RFX8: variants seen among roughly 807,000 people sequenced by gnomAD.
The protein encoded by RFX8 is regulatory factor X8, also known as DNA-binding protein RFX8.
RFX8 carries 46 observed loss-of-function variants against 54.6 expected under a neutral mutation model. The ratio of observed to expected loss-of-function variants is 0.84; its 90% CI spans 0.67 to 1.08. RFX8 has a LOEUF of 1.08. Ranked by LOEUF, RFX8 falls within the 50% of genes least tolerant of loss-of-function variation. The pLI is 0.00. For missense variants in RFX8, 536 were observed against 562.3 expected (o/e 0.95, Z 0.47); for synonymous variants, 192 against 209.5 (o/e 0.92, Z 0.72).
intron 2 of RFX8, among the ~76,000 whole-genome samples, chr2:101,459,881 T>C (rs534414006): frequency 3.3e-4 from 50 of 152,190 alleles, no homozygotes; most frequent in African/African-American, 1.2e-3. Flanking sequence ...TGCACTGCAG[T>C]GGGCTGCATC....
At chr2:101,424,837 C>T (rs921117332) in intron 2 of RFX8, among the ~76,000 whole-genome samples, 7 of 151,922 alleles carry the variant, frequency 4.6e-5, no homozygotes, top group African/African-American at 1.2e-4. Context: ...GGACACAGGG[C>T]GGGGAACATC....
chr2:101,474,250 G>A (rs1007241228), intron 1 of RFX8: 44 of 614,738 alleles, frequency 7.2e-5, no homozygotes, highest in Non-Finnish European at 2.9e-6. Context: ...GCCGCTCGAC[G>A]GCGAGGCCGG....
intron 2 of RFX8, among the ~76,000 whole-genome samples, chr2:101,435,440 G>A (rs1288687832): frequency 6.6e-6 from 1 of 152,142 alleles, no homozygotes; most frequent in East Asian, 1.9e-4. Context: ...TTTGGAAAAT[G>A]ACAACAAATT....
At chr2:101,428,773 G>A (rs145408203) in intron 2 of RFX8, among the ~76,000 whole-genome samples, 26 of 152,350 alleles carry the variant, frequency 1.7e-4, no homozygotes, top group South Asian at 4.1e-4. Context: ...CAGAGACTAT[G>A]TCTGTCTTGG....
intron 6 of RFX8, among the ~76,000 whole-genome samples, chr2:101,416,029 G>C (rs1686483897): frequency 6.6e-6 from 1 of 152,256 alleles, no homozygotes; most frequent in South Asian, 2.1e-4. Context: ...GGTCATGGGA[G>C]TCCCTTGGGA....
At chr2:101,469,056 G>GTATATATATGTA (rs1689774982) in intron 1 of RFX8, among the ~76,000 whole-genome samples, 1 of 10,624 alleles carries the variant, frequency 9.4e-5, no homozygotes, top group African/African-American at 2.4e-4. Context: ...ATATATATAC[G>GTATATATATGTA]TATATATATG....
rs189755763 is a variant in RFX8, at chr2:101,418,607, T to C, written c.351+244A>G. 3.0e-4 allele frequency among the ~76,000 whole-genome samples: 46 copies of C among 152,360 alleles called. 1 individual carries two copies. The highest frequency in any genetic ancestry group is 1.1e-3 in the African/African-American group (45 of 41,588). On this transcript the variant is annotated intron_variant, in intron 5 of 11. Transcript: ENST00000428343. ...TCCCAGAGAAAGAACTTCGACTCAA[T>C]TCGGACTTCACTGATATGGAACCAG...
At chr2:101,448,280 C>T (rs1558877846) in intron 2 of RFX8, among the ~76,000 whole-genome samples, 1 of 152,138 alleles carries the variant, frequency 6.6e-6, no homozygotes, top group Non-Finnish European at 1.5e-5. Flanking sequence ...TTGTGGACAC[C>T]CTCCACTGCC....
At chr2:101,455,331 T>C (rs7600922) in intron 2 of RFX8, among the ~76,000 whole-genome samples, 52,320 of 152,018 alleles carry the variant, frequency 0.34, 9,670 homozygotes, top group African/African-American at 0.44. Context: ...TTTTCTTCTA[T>C]GGTTTTTATC....
chr2:101,449,102 G>T (rs564090521), intron 2 of RFX8, among the ~76,000 whole-genome samples: 1 of 152,158 alleles, frequency 6.6e-6, no homozygotes, highest in Non-Finnish European at 1.5e-5. Flanking sequence ...TTGGATGGTG[G>T]GAGCAAAGGT....
chr2:101,413,420 C>T (rs1046326947), intron 7 of RFX8, among the ~76,000 whole-genome samples: 4 of 152,114 alleles, frequency 2.6e-5, no homozygotes, highest in Admixed American at 6.6e-5. Flanking sequence ...GAGCCTGCAC[C>T]GATCCTGAGG....
intron 6 of RFX8, among the ~76,000 whole-genome samples, chr2:101,416,099 G>C (rs1242735883): frequency 6.6e-6 from 1 of 152,128 alleles, no homozygotes; most frequent in African/African-American, 2.4e-5. Flanking sequence ...CAGTGGAGGA[G>C]AGTGGGCCAT....
At chr2:101,421,386 G>C in intron 4 of RFX8, 1 of 1,022,746 alleles carries the variant, frequency 9.8e-7, no homozygotes, top group Non-Finnish European at 1.2e-6. Flanking sequence ...ATGGCTCTTC[G>C]GCACCATTGA....
chr2:101,447,026 A>G (rs1320545518), intron 2 of RFX8, among the ~76,000 whole-genome samples: 1 of 152,200 alleles, frequency 6.6e-6, no homozygotes, highest in Admixed American at 6.5e-5. Context: ...TGTAAGAGGA[A>G]GAGCTGGTTT....
chr2:101,427,199 C>T (rs532672462), intron 2 of RFX8, among the ~76,000 whole-genome samples: 16 of 152,306 alleles, frequency 1.1e-4, no homozygotes, highest in East Asian at 3.9e-4. Flanking sequence ...AAAATGTCCA[C>T]GTCCTAATCC....
At chr2:101,424,288 C>T (rs1332403609) in intron 2 of RFX8, among the ~76,000 whole-genome samples, 1 of 152,130 alleles carries the variant, frequency 6.6e-6, no homozygotes, top group East Asian at 1.9e-4. Context: ...CACTGGTCAT[C>T]AAAGAAATGC....
chr2:101,457,520 G>T (rs1185800005), intron 2 of RFX8, among the ~76,000 whole-genome samples: 3 of 152,180 alleles, frequency 2.0e-5, no homozygotes, highest in Non-Finnish European at 4.4e-5. Flanking sequence ...GTGCAATTTT[G>T]AGTGAGTTTC....
chr2:101,406,475 G>A (rs1162669268), intron 9 of RFX8, among the ~76,000 whole-genome samples: 1 of 134,606 alleles, frequency 7.4e-6, no homozygotes, highest in Admixed American at 8.0e-5. Flanking sequence ...GGGACTACAG[G>A]CATGCACCAC....
At chr2:101,459,043 C>T (rs1188464457) in intron 2 of RFX8, among the ~76,000 whole-genome samples, 1 of 152,072 alleles carries the variant, frequency 6.6e-6, no homozygotes, top group Admixed American at 6.6e-5. Flanking sequence ...GTTCTCGTGC[C>T]ACGGTTTTCA....
Sources: allele counts gnomAD v4.1 joint callset (sites outside exome capture counted in the v4.1 genomes callset), GRCh38; gene constraint gnomAD v4.1.1; transcripts MANE v1.5; gene names NCBI Gene and HGNC (gene_info 2026-07-23, HGNC 2026-07-21).